The following GLIS3 variants were observed in gnomAD, a reference collection of about 807,000 sequenced individuals.
The protein encoded by GLIS3 is zinc finger protein GLIS3.
In GLIS3, 53 loss-of-function variants were observed where a neutral mutation model predicts 78.6. The observed-to-expected ratio is 0.67, with a 90% CI of 0.54 to 0.85. The LOEUF (loss-of-function observed/expected upper bound fraction) is 0.85, where lower values mean the gene tolerates loss of function less well. Among genes scored for constraint, GLIS3 ranks in the 40% least tolerant of loss-of-function variants. The pLI, the probability that GLIS3 is intolerant of heterozygous loss-of-function variation, is 0.00. For synonymous variants in GLIS3, 684 were observed against 509.9 expected, an observed-to-expected ratio of 1.34 and a Z score of -4.60; for missense variants, 1,703 against 1,231.1, an observed-to-expected ratio of 1.38 and a Z score of -5.74.
In GLIS3 at chr9:4,282,042, T is replaced by C. The variant is rs181523887; in HGVS notation, c.388+3996A>G. ...TTTAAATAATATAAATAATATCAAA[T>C]GTATACTTCTCATGAGCCTTCCATC... On this transcript the variant is annotated intron_variant, in intron 2 of 10. Transcript: ENST00000381971. Among the ~76,000 whole-genome samples, 16 of 152,290 alleles carry C rather than the reference T, an allele frequency of 1.1e-4. No homozygotes were observed. In the East Asian group the frequency reaches 3.1e-3, roughly 29 times the overall value.
chr9:4,120,145 T>C (rs1832066198), intron 3 of GLIS3, among the ~76,000 whole-genome samples: 1 of 152,236 alleles, frequency 6.6e-6, no homozygotes, highest in Non-Finnish European at 1.5e-5. Context: ...AACATCAACC[T>C]GTCTCAAAGG....
At chr9:4,006,183 G>C (rs1821529904) in intron 4 of GLIS3, among the ~76,000 whole-genome samples, 1 of 151,806 alleles carries the variant, frequency 6.6e-6, no homozygotes, top group South Asian at 2.1e-4. Context: ...TCTAATGTTA[G>C]GCCCTTTGCT....
At chr9:4,215,597 C>CT (rs1342086948) in intron 2 of GLIS3, among the ~76,000 whole-genome samples, 5 of 152,224 alleles carry the variant, frequency 3.3e-5, no homozygotes, top group Non-Finnish European at 7.3e-5. Context: ...CACTATAATG[C>CT]TATCGCCTGG....
intron 9 of GLIS3, among the ~76,000 whole-genome samples, chr9:3,840,116 A>G (rs1371938775): frequency 1.3e-5 from 2 of 152,198 alleles, no homozygotes; most frequent in Non-Finnish European, 2.9e-5. Flanking sequence ...AATATTATGT[A>G]TAACAGTGTT....
At chr9:4,311,111 G>C (rs1022308312) in intron 2 of GLIS3, among the ~76,000 whole-genome samples, 4 of 152,166 alleles carry the variant, frequency 2.6e-5, no homozygotes, top group African/African-American at 9.7e-5. Flanking sequence ...TCTGTGGATA[G>C]AAGTGTATAC....
the GLIS3 span, among the ~76,000 whole-genome samples, chr9:4,428,047 G>T: frequency 2.6e-5 from 4 of 151,818 alleles, no homozygotes; most frequent in African/African-American, 9.7e-5. Flanking sequence ...GAAATTTCCA[G>T]TGCCGGGAAT....
chr9:4,487,226 G>A, the GLIS3 span, among the ~76,000 whole-genome samples: 2 of 152,072 alleles, frequency 1.3e-5, no homozygotes, highest in Non-Finnish European at 2.9e-5. Flanking sequence ...GAGTTCTCGT[G>A]GGTCTGAAGG....
chr9:4,050,597 A>G (rs1246804899), intron 4 of GLIS3, among the ~76,000 whole-genome samples: 1 of 152,166 alleles, frequency 6.6e-6, no homozygotes, highest in East Asian at 1.9e-4. Context: ...AAAGTATAAT[A>G]ATAAAAATAA....
intron 6 of GLIS3, among the ~76,000 whole-genome samples, chr9:3,921,250 G>A (rs993811966): frequency 5.9e-5 from 9 of 152,170 alleles, no homozygotes; most frequent in African/African-American, 2.2e-4. Flanking sequence ...TTGTGTCCAG[G>A]AGAAAAGAAA....
intron 2 of GLIS3, among the ~76,000 whole-genome samples, chr9:4,279,623 T>C (rs1349619877): frequency 2.6e-5 from 4 of 152,088 alleles, no homozygotes; most frequent in African/African-American, 9.7e-5. Flanking sequence ...AGTTTCATGT[T>C]TATTTTTTAC....
intron 2 of GLIS3, among the ~76,000 whole-genome samples, chr9:4,315,131 A>AG (rs1817418488): frequency 6.6e-6 from 1 of 152,246 alleles, no homozygotes; most frequent in Non-Finnish European, 1.5e-5. Context: ...AGAGAAGAGA[A>AG]AGAGTCTAAT....
the GLIS3 span, among the ~76,000 whole-genome samples, chr9:4,399,709 G>C: frequency 2.0e-5 from 3 of 152,172 alleles, no homozygotes. Context: ...TCTGGAAGCT[G>C]TAAGTAACAA....
At chr9:3,967,010 G>GAAAA (rs1563901200) in intron 4 of GLIS3, among the ~76,000 whole-genome samples, 7 of 27,856 alleles carry the variant, frequency 2.5e-4, no homozygotes, top group African/African-American at 3.2e-4. Context: ...ATTTCTTTCT[G>GAAAA]CAAAAAAAAA....
At chr9:4,350,875 C>G (rs1817962303), upstream of GLIS3, among the ~76,000 whole-genome samples, 1 of 152,140 alleles carries the variant, frequency 6.6e-6, no homozygotes, top group Non-Finnish European at 1.5e-5. Context: ...CCTAGTACCA[C>G]TAGTACCAGA....
intron 4 of GLIS3, among the ~76,000 whole-genome samples, chr9:3,979,689 G>A (rs566934964): frequency 7.2e-5 from 11 of 152,232 alleles, no homozygotes; most frequent in African/African-American, 2.6e-4. Context: ...TGGATGTCTG[G>A]TACCTGTTTT....
intron 4 of GLIS3, among the ~76,000 whole-genome samples, chr9:4,104,295 T>A (rs1344209847): frequency 6.6e-6 from 1 of 152,062 alleles, no homozygotes; most frequent in Non-Finnish European, 1.5e-5. Context: ...CCCCCCTCCT[T>A]CCAGGTGCAT....
intron 2 of GLIS3, among the ~76,000 whole-genome samples, chr9:4,279,348 CACACACACACACACAT>C (rs1334129573): frequency 0.02 from 1,283 of 64,854 alleles, 29 homozygotes; most frequent in African/African-American, 0.026. Context: ...CACACACACA[CACACACACACACACAT>C]AATACATATT....
intron 9 of GLIS3, among the ~76,000 whole-genome samples, chr9:3,836,404 A>C (rs1028106290): frequency 1.3e-5 from 2 of 152,328 alleles, no homozygotes; most frequent in African/African-American, 4.8e-5. Flanking sequence ...CCCCAGTCAT[A>C]TGGTGGCTGC....
At chr9:4,204,732 A>T (rs1293679196) in intron 2 of GLIS3, among the ~76,000 whole-genome samples, 1 of 152,020 alleles carries the variant, frequency 6.6e-6, no homozygotes, top group African/African-American at 2.4e-5. Context: ...AGCCTGGGCA[A>T]CTCAAACCGT....
Sources: allele counts gnomAD v4.1 joint callset (sites outside exome capture counted in the v4.1 genomes callset), GRCh38; gene constraint gnomAD v4.1.1; transcripts MANE v1.5; gene names NCBI Gene and HGNC (gene_info 2026-07-23, HGNC 2026-07-21).